IFT52: variants seen among roughly 807,000 people sequenced by gnomAD.
IFT52 encodes the protein intraflagellar transport protein 52 homolog.
A neutral mutation model predicts 54.4 loss-of-function variants in IFT52; 44 were observed. That is an observed-to-expected ratio of 0.81 (90% CI 0.63 to 1.04). IFT52 has a LOEUF of 1.04. Among genes scored for constraint, IFT52 ranks in the 50% least tolerant of loss-of-function variants. The probability of loss-of-function intolerance (pLI) is 0.00; values close to 1 mark genes in which losing one functional copy is unlikely to be tolerated. For missense variants in IFT52, 452 were observed against 523.6 expected, an observed-to-expected ratio of 0.86 and a Z score of 1.33; for synonymous variants, 181 against 185.3, an observed-to-expected ratio of 0.98 and a Z score of 0.19.
chr20:43,614,553 T>A (rs897935659), intron 7 of IFT52, among the ~76,000 whole-genome samples: 2 of 151,582 alleles, frequency 1.3e-5, no homozygotes, highest in African/African-American at 2.4e-5. Context: ...TTTGATCCCA[T>A]GGCAGCATAT....
intron 10 of IFT52, among the ~76,000 whole-genome samples, chr20:43,629,505 C>T (rs1985011775): frequency 6.6e-6 from 1 of 152,150 alleles, no homozygotes; most frequent in Non-Finnish European, 1.5e-5. Flanking sequence ...ATCTCCTGAC[C>T]TCGTTATCTG....
chr20:43,591,794 T>A (rs561958298), intron 1 of IFT52, among the ~76,000 whole-genome samples: 2 of 152,204 alleles, frequency 1.3e-5, no homozygotes, highest in South Asian at 4.2e-4. Context: ...TCCTGGCTAC[T>A]TGGTAGGCTG....
At chr20:43,637,117 T>A in intron 11 of IFT52, 28 bp from the exon 12 acceptor site, 1 of 1,465,012 alleles carries the variant, frequency 6.8e-7, no homozygotes, top group Non-Finnish European at 9.6e-7. Context: ...CTCCCTCATT[T>A]CTAAATAATG....
chr20:43,608,272 A>G (rs1168931029), intron 6 of IFT52, among the ~76,000 whole-genome samples: 1 of 152,192 alleles, frequency 6.6e-6, no homozygotes, highest in African/African-American at 2.4e-5. Context: ...ACCAAATGTA[A>G]TGTGTTACCA....
At chr20:43,600,191 T>C (rs959502795) in intron 3 of IFT52, among the ~76,000 whole-genome samples, 4 of 152,188 alleles carry the variant, frequency 2.6e-5, no homozygotes, top group Non-Finnish European at 4.4e-5. Flanking sequence ...ATGAATGGGA[T>C]AGGTACATAT....
At chr20:43,618,208 A>C (rs1984001452) in intron 7 of IFT52, 1 of 150,632 alleles carries the variant, frequency 6.6e-6, no homozygotes, top group Admixed American at 6.6e-5. Context: ...CTGTAGAATC[A>C]ATTTAATTTT....
intron 10 of IFT52, among the ~76,000 whole-genome samples, chr20:43,631,552 C>T (rs528629050): frequency 2.6e-5 from 4 of 152,296 alleles, no homozygotes. Flanking sequence ...AACTGGATGA[C>T]AATATTTTAC....
At chr20:43,631,190 A>G (rs1419695012) in intron 10 of IFT52, among the ~76,000 whole-genome samples, 1 of 152,172 alleles carries the variant, frequency 6.6e-6, no homozygotes, top group Non-Finnish European at 1.5e-5. Context: ...ACTGTTTATC[A>G]TTCCTGTACC....
chr20:43,640,351 T>C (rs1196780785), intron 12 of IFT52, among the ~76,000 whole-genome samples: 3 of 151,992 alleles, frequency 2.0e-5, no homozygotes, highest in Non-Finnish European at 4.4e-5. Context: ...TCCCAGCTGC[T>C]TGGGAGGCTG....
At chr20:43,609,281 A>T (rs979452879) in intron 6 of IFT52, among the ~76,000 whole-genome samples, 5 of 152,098 alleles carry the variant, frequency 3.3e-5, no homozygotes, top group Non-Finnish European at 7.4e-5. Context: ...AAATAGTTTT[A>T]AAAAAATAAA....
chr20:43,637,015 G>A (rs868787536), intron 11 of IFT52, 130 bp from the exon 12 acceptor site: 51 of 608,472 alleles, frequency 8.4e-5, no homozygotes, highest in Middle Eastern at 9.2e-4. Flanking sequence ...AATTAAGGAT[G>A]TGAACTTCCT....
Position 43,645,331 on chromosome 20 carries a change from G to A in IFT52, c.1267-1605G>A, listed in dbSNP as rs1986136667. 6.9e-5 allele frequency among the ~76,000 whole-genome samples: 4 copies of A among 57,948 alleles called. 2 individuals carry two copies. The South Asian group carries it at 2.4e-3, about 35-fold the overall frequency. The allele number at this position is 57,948 out of a possible 152,430, so 38.0% of individuals were successfully genotyped here. A position where few individuals can be genotyped will look rare whatever the true frequency, so the allele number is the denominator to read the frequency against. On this transcript the variant is annotated intron_variant, in intron 13 of 13. Transcript: ENST00000373030. ...CCAGCACTTTGGGAGGCCAAGGCAGGTGGATCACGAGGTCAGGAGATCGAG... is the reference window on the plus strand; with the variant it reads ...CCAGCACTTTGGGAGGCCAAGGCAGATGGATCACGAGGTCAGGAGATCGAG...
intron 10 of IFT52, among the ~76,000 whole-genome samples, chr20:43,628,842 G>A (rs923478563): frequency 1.6e-5 from 2 of 127,024 alleles, no homozygotes; most frequent in Non-Finnish European, 3.3e-5. Context: ...CAGGCAGAGC[G>A]AGACTCCATC....
chr20:43,629,704 TG>T (rs1985026355), intron 10 of IFT52, among the ~76,000 whole-genome samples: 1 of 152,222 alleles, frequency 6.6e-6, no homozygotes, highest in South Asian at 2.1e-4. Context: ...AGCTGAGGCT[TG>T]GGACAATTTG....
At chr20:43,620,399 T>C (rs1269566309) in intron 8 of IFT52, among the ~76,000 whole-genome samples, 1 of 152,200 alleles carries the variant, frequency 6.6e-6, no homozygotes, top group East Asian at 1.9e-4. Context: ...AGCTCATGCC[T>C]GTAATCCTAC....
chr20:43,623,046 G>T (rs1984459261), intron 9 of IFT52, among the ~76,000 whole-genome samples: 1 of 152,062 alleles, frequency 6.6e-6, no homozygotes. Context: ...CATGTATCAG[G>T]AGGAAAGAAG....
At chr20:43,621,147 C>T (rs1032061258) in intron 9 of IFT52, 1 of 397,988 alleles carries the variant, frequency 2.5e-6, no homozygotes, top group Non-Finnish European at 4.5e-6. Flanking sequence ...AGCATACATA[C>T]ATACAGTATG....
chr20:43,610,408 A>G (rs1983341231), intron 6 of IFT52, among the ~76,000 whole-genome samples: 1 of 152,118 alleles, frequency 6.6e-6, no homozygotes, highest in African/African-American at 2.4e-5. Context: ...GTATAGCAAT[A>G]TAATTCACAG....
chr20:43,646,724 G>C (rs973849675), intron 13 of IFT52, among the ~76,000 whole-genome samples: 3 of 152,128 alleles, frequency 2.0e-5, no homozygotes, highest in African/African-American at 7.2e-5. Context: ...ACTCATCATG[G>C]TGGGTGGTGG....
Sources: allele counts gnomAD v4.1 joint callset (sites outside exome capture counted in the v4.1 genomes callset), GRCh38; gene constraint gnomAD v4.1.1; transcripts MANE v1.5; gene names NCBI Gene and HGNC (gene_info 2026-07-23, HGNC 2026-07-21).